The following RNF43 variants were observed in gnomAD, a reference collection of about 807,000 sequenced individuals.
The protein encoded by RNF43 is ring finger protein 43.
RNF43 carries 37 observed loss-of-function variants against 78.4 expected under a neutral mutation model. The ratio of observed to expected loss-of-function variants is 0.47; its 90% CI spans 0.36 to 0.62. RNF43 has a LOEUF of 0.62. Ranked by LOEUF, RNF43 falls within the 20% of genes least tolerant of loss-of-function variation. The probability of loss-of-function intolerance (pLI) is 0.00; values close to 1 mark genes in which losing one functional copy is unlikely to be tolerated. For synonymous variants in RNF43, 347 were observed against 395.0 expected (o/e 0.88, Z 1.44); for missense variants, 774 against 1,007.9 (o/e 0.77, Z 3.14).
chr17:58,410,421 C>T (rs1304405629), intron 2 of RNF43, among the ~76,000 whole-genome samples: 1 of 152,214 alleles, frequency 6.6e-6, no homozygotes, highest in East Asian at 1.9e-4. Flanking sequence ...TGGTGTACTC[C>T]TGACTACATT....
chr17:58,412,598 T>C (rs1279926382), intron 2 of RNF43, among the ~76,000 whole-genome samples: 1 of 147,662 alleles, frequency 6.8e-6, no homozygotes, highest in African/African-American at 2.5e-5. Context: ...CAAAATTCTT[T>C]TAGAGGCAAT....
chr17:58,372,152 T>C (rs1973111315), intron 2 of RNF43, among the ~76,000 whole-genome samples: 1 of 152,236 alleles, frequency 6.6e-6, no homozygotes, highest in Admixed American at 6.5e-5. Flanking sequence ...CCACAGAGAA[T>C]CTTGAATTTA....
At chr17:58,393,297 C>T (rs1973598660) in intron 2 of RNF43, among the ~76,000 whole-genome samples, 1 of 152,068 alleles carries the variant, frequency 6.6e-6, no homozygotes, top group African/African-American at 2.4e-5. Context: ...GTCCCAGCTA[C>T]TTGGAACGCT....
chr17:58,399,942 T>C (rs984492032), intron 2 of RNF43, among the ~76,000 whole-genome samples: 6 of 151,974 alleles, frequency 3.9e-5, no homozygotes, highest in Non-Finnish European at 7.4e-5. Flanking sequence ...ACCCAGCCAA[T>C]AGCAGCAATT....
In RNF43 at chr17:58,363,542, C is replaced by G; in HGVS notation, c.434G>C (p.Arg145Pro). 6.2e-7 allele frequency: 1 copy of G among 1,612,454 alleles called. No homozygotes were observed. The highest frequency in any genetic ancestry group is 8.5e-7 in the Non-Finnish European group (1 of 1,178,810). Residue 145 changes from arginine to proline, a missense_variant, in exon 4 of 10, where the codon CGA becomes CCA. Coordinates refer to ENST00000407977, the MANE Select transcript of RNF43 (RefSeq NM_017763.6). ...CCTGGGTACCTGCTCAGCAGCAGCT[C>G]GATCCTCAGTGATGTCAAAGAGGAC... ...SAVLFDITED[R>P]AAAEQLQQPL...
chr17:58,415,381 T>C lies in RNF43; in HGVS notation c.197A>G (p.Glu66Gly), dbSNP rs1185708390. 1.2e-6 allele frequency: 2 copies of C among 1,614,130 alleles called. No individual in the cohort carries two copies. Among genetic ancestry groups the C allele is most frequent in the Middle Eastern group, 1.6e-4 (1 of 6,084 alleles). ...DPTGKLNLTL[E>G]GVFAGVAEIT... ...TTCAGCAACACCAGCAAACACACCT[T>C]CCAAAGTGAGATTCAGTTTTCCTGT... The change falls in exon 2 of 10, where the codon GAA becomes GGA. Residue 66 changes from glutamate (E) to glycine (G), a missense_variant. Transcript: ENST00000407977.
chr17:58,353,762 A>C lies in RNF43; in HGVS notation c.*1181T>G. On this transcript the variant is annotated 3_prime_UTR_variant, in exon 10 of 10. Coordinates refer to ENST00000407977, the MANE Select transcript of RNF43 (RefSeq NM_017763.6). ...CTGTCTGGTTCAGATATAAATACCC[A>C]TGTGGGTACCTAGGTGCTAGTCTCC... 4.9e-6 allele frequency: 1 copy of C among 205,314 alleles called. No individual in the cohort carries two copies. The allele number at this position is 205,314 out of a possible 1,614,324, so 12.7% of individuals were successfully genotyped here. A position where few individuals can be genotyped will look rare whatever the true frequency, so the allele number is the denominator to read the frequency against.
chr17:58,380,470 C>T (rs1444116865), intron 2 of RNF43, among the ~76,000 whole-genome samples: 1 of 152,216 alleles, frequency 6.6e-6, no homozygotes, highest in Non-Finnish European at 1.5e-5. Context: ...ACAGCCTTGA[C>T]ACAGTTTGCT....
chr17:58,387,901 A>C (rs939753128), intron 2 of RNF43, among the ~76,000 whole-genome samples: 2 of 152,270 alleles, frequency 1.3e-5, no homozygotes, highest in Admixed American at 6.5e-5. Flanking sequence ...CTGGGACATA[A>C]GGTGGCTTCA....
In RNF43 at chr17:58,353,969, T is replaced by C; in HGVS notation, c.*974A>G. ...CAGTGAGGCCAGACTTGTGCTCTAA[T>C]CCACTCTCCTGTGGGTCCCTGGCCT... On this transcript the variant is annotated 3_prime_UTR_variant, in exon 10 of 10. Coordinates refer to ENST00000407977, the MANE Select transcript of RNF43 (RefSeq NM_017763.6). The C allele has an allele frequency of 5.4e-6, 1 of 186,514 alleles. No individual in the cohort carries two copies. Among genetic ancestry groups the C allele is most frequent in the Non-Finnish European group, 1.1e-5 (1 of 87,970 alleles). The allele number at this position is 186,514 out of a possible 1,614,324, so 11.6% of individuals were successfully genotyped here.
chr17:58,376,590 G>T (rs951584828), intron 2 of RNF43, among the ~76,000 whole-genome samples: 3 of 152,168 alleles, frequency 2.0e-5, no homozygotes, highest in Non-Finnish European at 4.4e-5. Context: ...TAACACAGGG[G>T]CTGTCTTTGC....
intron 2 of RNF43, among the ~76,000 whole-genome samples, chr17:58,411,276 G>C (rs11079350): frequency 6.6e-6 from 1 of 152,026 alleles, no homozygotes; most frequent in Non-Finnish European, 1.5e-5. Flanking sequence ...TTAATATTTA[G>C]TGTCAGCATA....
At chr17:58,391,188 G>T (rs1435053127) in intron 2 of RNF43, among the ~76,000 whole-genome samples, 3 of 152,068 alleles carry the variant, frequency 2.0e-5, no homozygotes, top group African/African-American at 7.2e-5. Flanking sequence ...TGAAGCAGTG[G>T]GACAAATAAA....
intron 3 of RNF43, among the ~76,000 whole-genome samples, chr17:58,366,448 G>T (rs114830558): frequency 1.4e-4 from 21 of 152,366 alleles, no homozygotes; most frequent in African/African-American, 5.0e-4. Flanking sequence ...CATGCCCCCA[G>T]GGAGGGATTT....
rs1465813379 is a variant in RNF43, at chr17:58,360,376, T to C, written c.850-125A>G. The C allele has an allele frequency of 1.5e-6, 1 of 687,304 alleles. No individual in the cohort carries two copies. The highest frequency in any genetic ancestry group is 2.5e-6 in the Non-Finnish European group (1 of 392,480). 42.6% of individuals were successfully genotyped at this position (687,304 alleles called of 1,614,324 possible). On this transcript the variant is annotated intron_variant, in intron 7 of 9. Coordinates refer to ENST00000407977, the MANE Select transcript of RNF43 (RefSeq NM_017763.6). This position sits in a 1 kb window ranked among gnomAD's most constrained non-coding sequence, Gnocchi z 4.3. ...TATCTACTTGTAAAAGACCTCACAGTAGAATAGGAATGGTATGAGCTTTGG... is the reference window on the plus strand; with the variant it reads ...TATCTACTTGTAAAAGACCTCACAGCAGAATAGGAATGGTATGAGCTTTGG...
intron 3 of RNF43, among the ~76,000 whole-genome samples, chr17:58,365,906 C>G (rs369045415): frequency 3.3e-5 from 5 of 152,300 alleles, no homozygotes; most frequent in African/African-American, 1.2e-4. Context: ...CAACAGGAGC[C>G]ATTACAGAGA....
Position 58,370,954 on chromosome 17 carries a change from C to A in RNF43, c.332G>T (p.Ser111Ile), listed in dbSNP as rs1403558215. The change falls in exon 3 of 10, where the codon AGT becomes ATT. Residue 111 changes from serine (S) to isoleucine (I), a missense_variant. Transcript: ENST00000407977. ...PGFISIVKLE[S>I]PRRAPRPCLS... ...GCAGGGGCGGGGGGCCCGTCGAGGA[C>A]TCTCCAGCTTGACGATGCTGATGAA... 1 of 1,611,794 alleles carries A rather than the reference C, an allele frequency of 6.2e-7. No homozygotes were observed. The highest frequency in any genetic ancestry group is 8.5e-7 in the Non-Finnish European group (1 of 1,178,654).
intron 2 of RNF43, among the ~76,000 whole-genome samples, chr17:58,403,120 C>G (rs1207222586): frequency 6.6e-6 from 1 of 152,088 alleles, no homozygotes. Context: ...CCTCAAGAAC[C>G]AAACATACAT....
At position 58,415,572 on chromosome 17, in the gene RNF43, A is replaced by G. The variant is rs757535716; in HGVS notation, c.6T>C (p.Ser2=). M[S]GGHQLQLAAL... ...CAGCCAGCTGCAGCTGGTGGCCACC[A>G]CTCATGCTACCAGCTGCAGCAATGC... Residue 2 remains serine, a synonymous_variant, in exon 2 of 10, where the codon AGT becomes AGC. Transcript: ENST00000407977. 11 of 1,606,762 alleles carry G rather than the reference A, an allele frequency of 6.8e-6. No homozygotes were observed. The South Asian group carries it at 9.9e-5, about 14-fold the overall frequency.
Sources: gnomAD v4.1 joint callset for allele counts (sites outside exome capture counted in the v4.1 genomes callset) on GRCh38, gnomAD v4.1.1 for gene constraint, Gnocchi (gnomAD v3.1) non-coding constraint, MANE v1.5 for transcripts, NCBI Gene and HGNC (gene_info 2026-07-23, HGNC 2026-07-21) for gene names.